Variants in PIGX observed in about 807,000 individuals in gnomAD.
PIGX encodes GPI alpha-1,4-mannosyltransferase I, stabilizing subunit.
Under a neutral mutation model 28.7 loss-of-function variants are expected in PIGX, and 24 were observed. The observed-to-expected ratio is 0.84, with a 90% confidence interval of 0.60 to 1.17. The LOEUF is 1.17. Ranked by LOEUF, PIGX falls within the 50% of genes most tolerant of loss-of-function variation. The probability of loss-of-function intolerance (pLI) is 0.00; values close to 1 mark genes in which losing one functional copy is unlikely to be tolerated. For missense variants in PIGX, 305 were observed against 317.8 expected (o/e 0.96, Z 0.31); for synonymous variants, 127 against 121.0 (o/e 1.05, Z -0.33).
At chr3:196,728,408 T>C (rs1712612226) in intron 4 of PIGX, 1 of 590,122 alleles carries the variant, frequency 1.7e-6, no homozygotes. Context: ...TCTCCTTCCC[T>C]CTAAGACGAA....
At chr3:196,727,483 C>G (rs1341104126) in intron 3 of PIGX, among the ~76,000 whole-genome samples, 3 of 152,184 alleles carry the variant, frequency 2.0e-5, no homozygotes, top group Non-Finnish European at 4.4e-5. Context: ...ACTGCCATCT[C>G]ACTTGCTTCT....
chr3:196,728,496 T>C, intron 4 of PIGX: 3 of 607,888 alleles, frequency 4.9e-6, no homozygotes. Context: ...CAAGACACTA[T>C]ACCAAGACTA....
chr3:196,723,641 G>A (rs1452967753), intron 3 of PIGX, among the ~76,000 whole-genome samples: 1 of 139,552 alleles, frequency 7.2e-6, no homozygotes, highest in Non-Finnish European at 1.5e-5. Context: ...TTTAATTATT[G>A]TGGGTACGCA....
intron 4 of PIGX, among the ~76,000 whole-genome samples, chr3:196,730,348 G>C (rs1407905541): frequency 6.6e-6 from 1 of 151,946 alleles, no homozygotes; most frequent in African/African-American, 2.4e-5. Context: ...GAAATTTATC[G>C]AGTTTTGCAC....
intron 2 of PIGX, among the ~76,000 whole-genome samples, chr3:196,717,409 A>T (rs1287504757): frequency 6.6e-6 from 1 of 152,112 alleles, no homozygotes; most frequent in African/African-American, 2.4e-5. Flanking sequence ...AGAAGAAAAC[A>T]AGTATGTATT....
At chr3:196,722,619 A>G in intron 3 of PIGX, 63 bp downstream of exon 3, 1 of 1,358,256 alleles carries the variant, frequency 7.4e-7, no homozygotes, top group East Asian at 2.3e-5. Flanking sequence ...GTTTGGATTA[A>G]GGAAAAATAG....
In PIGX at chr3:196,716,869, A is replaced by G. The variant is rs1384129908; in HGVS notation, c.124A>G (p.Met42Val). The G allele has an allele frequency of 6.9e-6, 11 of 1,603,158 alleles. No individual in the cohort carries two copies. Among genetic ancestry groups the G allele is most frequent in the Admixed American group, 3.3e-5 (2 of 59,916 alleles). The change falls in exon 2 of 6, where the codon ATG becomes GTG. Residue 42 changes from methionine (M) to valine (V), a missense_variant. Coordinates refer to ENST00000392391, the MANE Select transcript of PIGX (RefSeq NM_017861.4). ...TTTGGTTCTTATAGGCATAAGGGCC[A>G]TGTGTTCTGAAATTATTTTGAGGCA...
chr3:196,718,564 C>T (rs1019939428), intron 2 of PIGX, among the ~76,000 whole-genome samples: 12 of 152,064 alleles, frequency 7.9e-5, no homozygotes, highest in Non-Finnish European at 8.8e-5. Flanking sequence ...CAGTAGTGAA[C>T]GTACTCCTTG....
chr3:196,726,745 A>G (rs1392052886), intron 3 of PIGX: 3 of 453,914 alleles, frequency 6.6e-6, no homozygotes, highest in Non-Finnish European at 8.8e-6. Context: ...AGACATTGTA[A>G]GCAAGAACAA....
intron 1 of PIGX, chr3:196,713,018 CTG>C (rs969259675): frequency 3.0e-6 from 3 of 990,058 alleles, no homozygotes; most frequent in Non-Finnish European, 3.6e-6. Context: ...AATCCCCAAA[CTG>C]AATGTAGGAC....
intron 3 of PIGX, 57 bp from the exon 4 acceptor site, chr3:196,727,866 T>C: frequency 7.7e-7 from 1 of 1,293,188 alleles, no homozygotes; most frequent in Non-Finnish European, 1.1e-6. Flanking sequence ...TTTTAACTTT[T>C]TAAAAATCTT....
intron 1 of PIGX, among the ~76,000 whole-genome samples, chr3:196,715,093 TAAATAA>T (rs1298199836): frequency 6.6e-6 from 1 of 151,656 alleles, no homozygotes; most frequent in Non-Finnish European, 1.5e-5. Flanking sequence ...AATAAATAAA[TAAATAA>T]AAATAAAAAA....
At position 196,735,903 on chromosome 3, in the gene PIGX, TC is replaced by T. The variant is rs1174530477; in HGVS notation, c.*2002del. The T allele has an allele frequency of 6.6e-6, 1 of 152,190 alleles. No individual in the cohort carries two copies. The highest frequency in any genetic ancestry group is 2.4e-5 in the African/African-American group (1 of 41,452). 9.4% of individuals were successfully genotyped at this position (152,190 alleles called of 1,614,324 possible). ...TGTTTTTGCTCATCACAACCAGGTTTCATCAGTATTTAAAATATTTAAGATT... is the reference window on the plus strand; with the variant it reads ...TGTTTTTGCTCATCACAACCAGGTTTATCAGTATTTAAAATATTTAAGATT... On this transcript the variant is annotated 3_prime_UTR_variant, in exon 6 of 6. Coordinates refer to ENST00000392391, the MANE Select transcript of PIGX (RefSeq NM_017861.4).
At chr3:196,726,371 CAGG>C (rs1712522414) in intron 3 of PIGX, among the ~76,000 whole-genome samples, 1 of 151,718 alleles carries the variant, frequency 6.6e-6, no homozygotes, top group African/African-American at 2.4e-5. Flanking sequence ...GAGGATGAGG[CAGG>C]AGAATCACTT....
rs1052651272 is a variant in PIGX, at chr3:196,734,827, C to G, written c.*925C>G. On this transcript the variant is annotated 3_prime_UTR_variant, in exon 6 of 6. Transcript: ENST00000392391. The stretch of plus-strand genomic sequence containing the variant: ...GCAAAGGACTTGATGAAACTGAGTA[C>G]TAAGATTTGGTACAGAGTATGTCAG... 1 of 151,992 alleles carries G rather than the reference C, an allele frequency of 6.6e-6. No homozygotes were observed. The highest frequency in any genetic ancestry group is 2.1e-4 in the South Asian group (1 of 4,832). 9.4% of individuals were successfully genotyped at this position (151,992 alleles called of 1,614,324 possible). A position where few individuals can be genotyped will look rare whatever the true frequency, so the allele number is the denominator to read the frequency against.
At chr3:196,715,453 A>G (rs1712058628) in intron 1 of PIGX, among the ~76,000 whole-genome samples, 1 of 152,228 alleles carries the variant, frequency 6.6e-6, no homozygotes, top group African/African-American at 2.4e-5. Context: ...TTATTTTGCT[A>G]TAGATCGTGA....
chr3:196,717,344 C>T (rs1251604843), intron 2 of PIGX, among the ~76,000 whole-genome samples: 1 of 149,138 alleles, frequency 6.7e-6, no homozygotes, highest in Non-Finnish European at 1.5e-5. Context: ...CAAAGTTACT[C>T]AGTGATGGCA....
In PIGX at chr3:196,733,531, C is replaced by T. The variant is rs1226858398; in HGVS notation, c.634-228C>T. On this transcript the variant is annotated intron_variant, in intron 5 of 5. Transcript: ENST00000392391. This position sits in a 1 kb window ranked among gnomAD's most constrained non-coding sequence, Gnocchi z 4.3. ...GGTTCAAGTGATTGTTCTGTCTTAGCCTCCCTAGTAGCTGGGACTACAGGC... is the reference window on the plus strand; with the variant it reads ...GGTTCAAGTGATTGTTCTGTCTTAGTCTCCCTAGTAGCTGGGACTACAGGC... Among the ~76,000 whole-genome samples, 1 of 152,104 alleles carries T rather than the reference C, an allele frequency of 6.6e-6. No individual in the cohort carries two copies. The highest frequency in any genetic ancestry group is 1.5e-5 in the Non-Finnish European group (1 of 68,024).
intron 3 of PIGX, among the ~76,000 whole-genome samples, chr3:196,724,769 A>T (rs747680803): frequency 2.4e-4 from 36 of 152,180 alleles, no homozygotes; most frequent in Non-Finnish European, 5.0e-4. Flanking sequence ...CCTTCTGCCT[A>T]GTTGAGATTA....
Sources: gnomAD v4.1 joint callset for allele counts (sites outside exome capture counted in the v4.1 genomes callset) on GRCh38, gnomAD v4.1.1 for gene constraint, Gnocchi (gnomAD v3.1) non-coding constraint, MANE v1.5 for transcripts, NCBI Gene and HGNC (gene_info 2026-07-23, HGNC 2026-07-21) for gene names.